The following GLS variants were observed in gnomAD, a reference collection of about 807,000 sequenced individuals.
GLS encodes the protein glutaminase kidney isoform, mitochondrial.
Under a neutral mutation model 86.7 loss-of-function variants are expected in GLS, and 36 were observed. That is an observed-to-expected ratio of 0.42 (90% confidence interval 0.32 to 0.55). The LOEUF is 0.55. GLS is among the 20% of genes least tolerant of loss of function. The pLI, the probability that GLS is intolerant of heterozygous loss-of-function variation, is 0.17. For missense variants in GLS, 528 were observed against 833.4 expected (o/e 0.63, Z 4.51); for synonymous variants, 317 against 305.9 (o/e 1.04, Z -0.38).
intron 3 of GLS, among the ~76,000 whole-genome samples, chr2:190,896,851 T>G (rs1259980809): frequency 6.6e-6 from 1 of 152,182 alleles, no homozygotes; most frequent in Non-Finnish European, 1.5e-5. Flanking sequence ...TATTTGTGTC[T>G]TTGCGGTAAG....
At chr2:190,937,438 CAG>C (rs940887211) in intron 14 of GLS, among the ~76,000 whole-genome samples, 10 of 151,374 alleles carry the variant, frequency 6.6e-5, no homozygotes, top group African/African-American at 2.2e-4. Flanking sequence ...CAACATGAAA[CAG>C]CGGGCAAAAT....
intron 14 of GLS, among the ~76,000 whole-genome samples, chr2:190,939,417 C>T (rs1690364307): frequency 1.3e-5 from 2 of 151,668 alleles, no homozygotes; most frequent in Non-Finnish European, 3.0e-5. Flanking sequence ...CTGAGTAGCT[C>T]TTCTCCCTAC....
In GLS at chr2:190,880,868, A is replaced by ATC; in HGVS notation, c.-217_-216insTC. On this transcript the variant is annotated 5_prime_UTR_variant, in exon 1 of 18. Transcript: ENST00000320717. ...GAAGAGAACCGGTCGCGGCAATCCTAGCGCGCAGCAGCAGCAGCAGCAGCA... is the reference window on the plus strand; with the variant it reads ...GAAGAGAACCGGTCGCGGCAATCCTATCGCGCGCAGCAGCAGCAGCAGCAGCA... 3 of 744,510 alleles carry ATC rather than the reference A, an allele frequency of 4.0e-6. No homozygotes were observed. The highest frequency in any genetic ancestry group is 3.0e-5 in the South Asian group (2 of 65,594). The allele number at this position is 744,510 out of a possible 1,614,324, so 46.1% of individuals were successfully genotyped here.
Position 190,962,735 on chromosome 2 carries a change from C to T in GLS, c.1854-95C>T. On this transcript the variant is annotated intron_variant, in intron 17 of 17. Transcript: ENST00000320717. This position sits in a 1 kb window ranked among gnomAD's most constrained non-coding sequence, Gnocchi z 4.2. ...AAATTGCTAAAATAGCTAAATTTGG[C>T]CATTTAACCTGCATTTAAAATCTAG... The T allele has an allele frequency of 2.9e-6, 2 of 700,778 alleles. No homozygotes were observed. The highest frequency in any genetic ancestry group is 3.3e-5 in the Admixed American group (1 of 30,634). The allele number at this position is 700,778 out of a possible 1,614,324, so 43.4% of individuals were successfully genotyped here.
At chr2:190,941,329 C>T (rs1319610558) in intron 14 of GLS, among the ~76,000 whole-genome samples, 2 of 152,072 alleles carry the variant, frequency 1.3e-5, no homozygotes, top group African/African-American at 4.8e-5. Flanking sequence ...CCATATGATG[C>T]TATTTTTGTA....
rs1477740875 is a variant in GLS at position 190,924,249 on chromosome 2, G to A, written c.1197+266G>A. ...TGAGGTTTAGTCTATTTTTTCAAAA[G>A]CATGATGCCTGATTACTGTTAACTA... is the stretch of plus-strand genomic sequence containing the variant. On this transcript the variant is annotated intron_variant, in intron 10 of 17. Coordinates refer to ENST00000320717, the MANE Select transcript of GLS (RefSeq NM_014905.5). The surrounding 1 kb of genome is among the most constrained non-coding windows in gnomAD (Gnocchi z 5.2). 6.6e-6 allele frequency among the ~76,000 whole-genome samples: 1 copy of A among 152,018 alleles called. No homozygotes were observed. The highest frequency in any genetic ancestry group is 1.5e-5 in the Non-Finnish European group (1 of 67,980).
In GLS at chr2:190,929,765, C is replaced by T. The variant is rs118029200; in HGVS notation, c.1426-672C>T. Among the ~76,000 whole-genome samples the T allele has an allele frequency of 1.3e-3, 196 of 152,086 alleles. 3 individuals carry two copies. In the East Asian group the frequency reaches 0.033, roughly 26 times the overall value. On this transcript the variant is annotated intron_variant, in intron 12 of 17. Coordinates refer to ENST00000320717, the MANE Select transcript of GLS (RefSeq NM_014905.5). ...GATTACAGGCATGAGCCACCGCACC[C>T]GGCCTTATAACTTTATTTATAAACA...
chr2:190,886,924 A>C (rs1181119942), intron 1 of GLS, among the ~76,000 whole-genome samples: 2 of 152,032 alleles, frequency 1.3e-5, no homozygotes, highest in Non-Finnish European at 2.9e-5. Context: ...CTCAAAAAAA[A>C]AAAAAAAAAG....
rs1690767158 is a variant in GLS, at chr2:190,953,322, TATTCC to T, written c.1651-237_1651-233del. Among the ~76,000 whole-genome samples, 1 of 152,240 alleles carries T rather than the reference TATTCC, an allele frequency of 6.6e-6. No homozygotes were observed. The highest frequency in any genetic ancestry group is 1.5e-5 in the Non-Finnish European group (1 of 68,032). On this transcript the variant is annotated intron_variant, in intron 14 of 17. Transcript: ENST00000320717. This position sits in a 1 kb window ranked among gnomAD's most constrained non-coding sequence, Gnocchi z 4.0. ...TCCATTCTCTTCTGCCAAGTGATAT[TATTCC>T]ATTCCTTCCCTTGTGTATCTTATCT...
intron 14 of GLS, among the ~76,000 whole-genome samples, chr2:190,937,252 T>G (rs1193745359): frequency 2.6e-5 from 4 of 151,358 alleles, no homozygotes; most frequent in African/African-American, 7.2e-5. Flanking sequence ...TTAACATTGC[T>G]TAGAAATGGA....
chr2:190,957,316 T>A (rs1214686903), intron 17 of GLS, among the ~76,000 whole-genome samples: 1 of 152,194 alleles, frequency 6.6e-6, no homozygotes, highest in Non-Finnish European at 1.5e-5. Flanking sequence ...GCTCTCGAAC[T>A]CCTGACCTCA....
chr2:190,903,037 T>C (rs11674731), intron 5 of GLS, among the ~76,000 whole-genome samples: 17 of 152,308 alleles, frequency 1.1e-4, no homozygotes, highest in Non-Finnish European at 2.1e-4. Flanking sequence ...ATTAAAAACC[T>C]TTTTTCCTTT....
intron 14 of GLS, chr2:190,933,810 A>G (rs1344012301): frequency 1.5e-6 from 1 of 655,030 alleles, no homozygotes; most frequent in Non-Finnish European, 1.9e-6. Context: ...AAGTTATAGC[A>G]TCTCATAAAG....
chr2:190,916,153 C>A (rs1027266126), intron 7 of GLS, among the ~76,000 whole-genome samples: 1 of 152,048 alleles, frequency 6.6e-6, no homozygotes, highest in South Asian at 2.1e-4. Flanking sequence ...ATTACTGTTT[C>A]AAATGGGAAA....
chr2:190,917,001 C>G (rs573139681), intron 7 of GLS, among the ~76,000 whole-genome samples: 1 of 152,290 alleles, frequency 6.6e-6, no homozygotes, highest in East Asian at 1.9e-4. Context: ...GTGGTGGTTG[C>G]TGAAGATTGC....
intron 7 of GLS, 132 bp downstream of exon 7, chr2:190,910,453 T>C (rs1689316436): frequency 5.3e-6 from 3 of 567,714 alleles, no homozygotes; most frequent in East Asian, 2.9e-5. Flanking sequence ...ATTTGTCTTA[T>C]GGTATAGTGT....
rs1426045485 is a variant in GLS at position 190,956,085 on chromosome 2, G to T, written c.1853+1267G>T. Among the ~76,000 whole-genome samples the T allele has an allele frequency of 6.6e-6, 1 of 152,190 alleles. No homozygotes were observed. Among genetic ancestry groups the T allele is most frequent in the African/African-American group, 2.4e-5 (1 of 41,454 alleles). On this transcript the variant is annotated intron_variant, in intron 17 of 17. Transcript: ENST00000320717. The surrounding 1 kb of genome is among the most constrained non-coding windows in gnomAD (Gnocchi z 4.2). Reference sequence around the variant, plus strand: ...ATTCTGTAGGTTGCCTGTTCGCCCTGATGATAGTTTCTTTTGCTGTGCAGA... The same window carrying T: ...ATTCTGTAGGTTGCCTGTTCGCCCTTATGATAGTTTCTTTTGCTGTGCAGA...
chr2:190,927,598 C>A, intron 12 of GLS, 116 bp downstream of exon 12: 1 of 687,550 alleles, frequency 1.5e-6, no homozygotes, highest in East Asian at 2.8e-5. Flanking sequence ...GAGAGAGAGG[C>A]TTGTTTTCAA....
chr2:190,928,310 C>T (rs1254968502), intron 12 of GLS, among the ~76,000 whole-genome samples: 2 of 151,252 alleles, frequency 1.3e-5, no homozygotes, highest in African/African-American at 4.8e-5. Context: ...GTTTAGATTT[C>T]CTGGATTATC....
Sources: gnomAD v4.1 joint callset for allele counts (sites outside exome capture counted in the v4.1 genomes callset) on GRCh38, gnomAD v4.1.1 for gene constraint, Gnocchi (gnomAD v3.1) non-coding constraint, MANE v1.5 for transcripts, NCBI Gene and HGNC (gene_info 2026-07-23, HGNC 2026-07-21) for gene names.